The following CAST variants were observed in gnomAD, a reference collection of about 807,000 sequenced individuals.
CAST encodes calpastatin.
A neutral mutation model predicts 119.6 loss-of-function variants in CAST; 76 were observed. That is an observed-to-expected ratio of 0.64 (90% CI 0.53 to 0.77). CAST has a LOEUF of 0.77. Among genes scored for constraint, CAST ranks in the 30% least tolerant of loss-of-function variants. CAST has a pLI of 0.00. For synonymous variants in CAST, 319 were observed against 331.6 expected, an observed-to-expected ratio of 0.96 and a Z score of 0.41; for missense variants, 953 against 946.5, an observed-to-expected ratio of 1.01 and a Z score of -0.09.
At chr5:96,232,337 A>G in the CAST span, among the ~76,000 whole-genome samples, 1 of 152,100 alleles carries the variant, frequency 6.6e-6, no homozygotes, top group Non-Finnish European at 1.5e-5. Flanking sequence ...CACAACTTAT[A>G]CTGTGTGTGA....
the CAST span, among the ~76,000 whole-genome samples, chr5:96,446,808 C>A: frequency 6.6e-6 from 1 of 152,036 alleles, no homozygotes; most frequent in South Asian, 2.1e-4. Context: ...ATAAATGTTG[C>A]CTGGGCTAGA....
At chr5:96,584,229 C>A (rs1345144678) in intron 1 of CAST, among the ~76,000 whole-genome samples, 1 of 152,214 alleles carries the variant, frequency 6.6e-6, no homozygotes, top group Non-Finnish European at 1.5e-5. Context: ...TTGGCATGCA[C>A]TGTTCCCAAT....
At chr5:96,207,601 A>G in the CAST span, among the ~76,000 whole-genome samples, 1 of 151,980 alleles carries the variant, frequency 6.6e-6, no homozygotes, top group East Asian at 1.9e-4. Context: ...GATGAATCAC[A>G]TTAGTTTGTG....
chr5:96,561,938 G>C (rs1188637560), intron 1 of CAST, among the ~76,000 whole-genome samples: 1 of 146,448 alleles, frequency 6.8e-6, no homozygotes, highest in Non-Finnish European at 1.5e-5. Context: ...GACTACAGAC[G>C]CCCGCTACCA....
chr5:96,448,071 A>G, the CAST span, among the ~76,000 whole-genome samples: 1 of 152,170 alleles, frequency 6.6e-6, no homozygotes, highest in African/African-American at 2.4e-5. Flanking sequence ...ATGAGGGACA[A>G]GAATCAGCTC....
chr5:96,143,821 C>A, the CAST span, among the ~76,000 whole-genome samples: 1 of 152,050 alleles, frequency 6.6e-6, no homozygotes, highest in Non-Finnish European at 1.5e-5. Flanking sequence ...ATTTATAGAG[C>A]CTTTTTTTGG....
intron 1 of CAST, among the ~76,000 whole-genome samples, chr5:96,629,228 G>T (rs1418058476): frequency 6.6e-6 from 1 of 152,206 alleles, no homozygotes; most frequent in Non-Finnish European, 1.5e-5. Flanking sequence ...TCTCTATGGT[G>T]AGTGTTCGCT....
At chr5:96,747,422 A>C (rs1214382969) in intron 18 of CAST, 30 bp downstream of exon 18, 12 of 1,377,890 alleles carry the variant, frequency 8.7e-6, no homozygotes, top group Non-Finnish European at 7.2e-6. Flanking sequence ...TCTGATACTT[A>C]AAGAACAATA....
chr5:96,504,377 A>AACACAG, the CAST span, among the ~76,000 whole-genome samples: 2 of 152,220 alleles, frequency 1.3e-5, no homozygotes, highest in Non-Finnish European at 2.9e-5. Context: ...TCCAAGAGGT[A>AACACAG]ACACAGATGT....
the CAST span, among the ~76,000 whole-genome samples, chr5:96,368,237 C>T: frequency 1.3e-5 from 2 of 151,862 alleles, no homozygotes; most frequent in African/African-American, 4.8e-5. Flanking sequence ...CGATAGCTCA[C>T]TCCTGTAATA....
At position 96,741,371 on chromosome 5, in the gene CAST, G is replaced by A. The variant is rs1282023638; in HGVS notation, c.1011+13G>A. On this transcript the variant is annotated intron_variant, in intron 14 of 31. Coordinates refer to ENST00000675179, the MANE Select transcript of CAST (RefSeq NM_001750.7). The stretch of plus-strand genomic sequence containing the variant: ...AACTGAAAAAGAGGTATTGTTTTTA[G>A]TGTTGTTAAGGGAAACTTGTTAGGA... 3.8e-6 allele frequency: 6 copies of A among 1,574,056 alleles called. No individual in the cohort carries two copies. The highest frequency in any genetic ancestry group is 5.2e-6 in the Non-Finnish European group (6 of 1,143,786).
chr5:96,432,874 G>T, the CAST span: 1 of 1,613,678 alleles, frequency 6.2e-7, no homozygotes, highest in East Asian at 2.2e-5. Context: ...TGACCCAAAA[G>T]GTCATAGCCC....
At chr5:96,421,840 T>A in the CAST span, 8 of 1,053,682 alleles carry the variant, frequency 7.6e-6, no homozygotes, top group Non-Finnish European at 1.2e-5. Flanking sequence ...ATAAAAGCAT[T>A]GTAAAGTACT....
the CAST span, among the ~76,000 whole-genome samples, chr5:96,031,994 T>C: frequency 6.6e-6 from 1 of 152,142 alleles, no homozygotes; most frequent in Non-Finnish European, 1.5e-5. Flanking sequence ...CCGTGACTTG[T>C]TATTTTACCA....
the CAST span, among the ~76,000 whole-genome samples, chr5:96,483,296 A>G: frequency 6.6e-6 from 1 of 152,188 alleles, no homozygotes; most frequent in East Asian, 1.9e-4. Flanking sequence ...ACAAACATCA[A>G]CAAATAAGAA....
the CAST span, among the ~76,000 whole-genome samples, chr5:96,415,230 A>G: frequency 6.6e-6 from 1 of 152,172 alleles, no homozygotes; most frequent in East Asian, 1.9e-4. Flanking sequence ...GGTTCAGCCA[A>G]CTGAAGACAC....
chr5:96,731,705 A>G (rs1581169252), intron 9 of CAST, among the ~76,000 whole-genome samples: 1 of 111,996 alleles, frequency 8.9e-6, no homozygotes, highest in African/African-American at 3.6e-5. Flanking sequence ...TCCTGTGTCC[A>G]TGTGATCTCA....
chr5:96,183,031 C>G, the CAST span, among the ~76,000 whole-genome samples: 920 of 151,828 alleles, frequency 6.1e-3, 10 homozygotes, highest in African/African-American at 0.022. Flanking sequence ...CCCAGCTCCT[C>G]GGGAGGCTGA....
chr5:96,765,526 C>G (rs768420080), intron 26 of CAST, among the ~76,000 whole-genome samples: 2 of 152,046 alleles, frequency 1.3e-5, no homozygotes, highest in African/African-American at 2.4e-5. Flanking sequence ...ACCAGCGGAG[C>G]CTCCCTGAGG....
Sources: allele counts gnomAD v4.1 joint callset (sites outside exome capture counted in the v4.1 genomes callset), GRCh38; gene constraint gnomAD v4.1.1; transcripts MANE v1.5; gene names NCBI Gene and HGNC (gene_info 2026-07-23, HGNC 2026-07-21).